Variants in SLC12A7 observed in about 807,000 individuals in gnomAD.
SLC12A7 encodes K-Cl cotransporter 4.
A neutral mutation model predicts 120.6 loss-of-function variants in SLC12A7; 100 were observed. The ratio of observed to expected loss-of-function variants is 0.83; its 90% confidence interval spans 0.71 to 0.98. The LOEUF is 0.98. Among genes scored for constraint, SLC12A7 ranks in the 50% least tolerant of loss-of-function variants. SLC12A7 has a pLI of 0.00. For synonymous variants in SLC12A7, 760 were observed against 678.0 expected (o/e 1.12, Z -1.88); for missense variants, 1,373 against 1,548.1 (o/e 0.89, Z 1.90).
intron 1 of SLC12A7, among the ~76,000 whole-genome samples, chr5:1,106,818 G>T (rs1269772759): frequency 1.3e-5 from 2 of 152,196 alleles, no homozygotes; most frequent in Non-Finnish European, 2.9e-5. Flanking sequence ...AAAGCTGCAG[G>T]CCTCCCTCAT....
At chr5:1,117,129 G>A in the SLC12A7 span, among the ~76,000 whole-genome samples, 1 of 152,272 alleles carries the variant, frequency 6.6e-6, no homozygotes, top group Non-Finnish European at 1.5e-5. This position sits in a 1 kb window ranked among gnomAD's most constrained non-coding sequence, Gnocchi z 4.5. Flanking sequence ...GAGCCGTGGG[G>A]ATGGGCTGGG....
intron 18 of SLC12A7, among the ~76,000 whole-genome samples, 164 bp from the exon 19 acceptor site, chr5:1,064,416 C>T (rs555423907): frequency 2.4e-3 from 361 of 152,354 alleles, no homozygotes; most frequent in Middle Eastern, 0.01. Flanking sequence ...CAGCCAGAGA[C>T]TCACAGCAGA....
Position 1,074,681 on chromosome 5 carries a change from A to C in SLC12A7, c.1968-10T>G, listed in dbSNP as rs754949950. On this transcript the variant is annotated splice_polypyrimidine_tract_variant and intron_variant, in intron 15 of 23. Transcript: ENST00000264930. ...CCACTCCTTCTCGGCCCTGTGGGAA[A>C]GGAAGTCGGGGTTTGTCCAGCCGCG... is the stretch of plus-strand genomic sequence containing the variant. The C allele has an allele frequency of 2.5e-6, 4 of 1,611,758 alleles. No homozygotes were observed.
At chr5:1,082,937 G>A (rs1739362756) in intron 8 of SLC12A7, among the ~76,000 whole-genome samples, 1 of 146,406 alleles carries the variant, frequency 6.8e-6, no homozygotes, top group South Asian at 2.2e-4. Flanking sequence ...GGAAAGCCTG[G>A]GCTTCCCGTC....
the SLC12A7 span, among the ~76,000 whole-genome samples, chr5:1,141,731 G>A: frequency 6.6e-6 from 1 of 152,242 alleles, no homozygotes; most frequent in African/African-American, 2.4e-5. Context: ...TGTGGCCGGT[G>A]GCTGCTGCAT....
intron 9 of SLC12A7, among the ~76,000 whole-genome samples, chr5:1,080,023 G>A (rs1738827159): frequency 6.6e-6 from 1 of 152,228 alleles, no homozygotes; most frequent in African/African-American, 2.4e-5. Context: ...GTCGGTGGGG[G>A]CCACTTCACG....
chr5:1,065,157 C>G, intron 18 of SLC12A7, 126 bp downstream of exon 18: 1 of 754,780 alleles, frequency 1.3e-6, no homozygotes, highest in Admixed American at 3.3e-5. Flanking sequence ...ACAGTGGGGA[C>G]GAAAAGGGGA....
At chr5:1,097,014 G>C (rs1185114421) in intron 1 of SLC12A7, among the ~76,000 whole-genome samples, 4 of 152,098 alleles carry the variant, frequency 2.6e-5, no homozygotes. Context: ...AGCTGCTTGG[G>C]CTCAAGTTTC....
chr5:1,096,723 A>G (rs1397638431), intron 1 of SLC12A7, among the ~76,000 whole-genome samples: 2 of 18,188 alleles, frequency 1.1e-4, no homozygotes, highest in Non-Finnish European at 2.0e-4. Flanking sequence ...GAGGAAGGAA[A>G]GGAGGGAGGG....
the SLC12A7 span, among the ~76,000 whole-genome samples, chr5:1,137,185 A>C: frequency 6.6e-6 from 1 of 151,258 alleles, no homozygotes; most frequent in Non-Finnish European, 1.5e-5. Context: ...CCCTGCCCCT[A>C]CTCCAAGGAT....
chr5:1,050,978 G>A lies in SLC12A7; in HGVS notation c.*1382C>T, dbSNP rs901766781. The A allele has an allele frequency of 7.5e-5, 30 of 398,520 alleles. No individual in the cohort carries two copies. In the Admixed American group the frequency reaches 7.9e-4, roughly 11 times the overall value. The allele number at this position is 398,520 out of a possible 1,614,324, so 24.7% of individuals were successfully genotyped here. A position where few individuals can be genotyped will look rare whatever the true frequency, so the allele number is the denominator to read the frequency against. ...GACGTAGCCCAAGGCCTGGCCATCT[G>A]GGGCCTCTAGTATATAGAAGCAACC... On this transcript the variant is annotated 3_prime_UTR_variant, in exon 24 of 24. Coordinates refer to ENST00000264930, the MANE Select transcript of SLC12A7 (RefSeq NM_006598.3).
At chr5:1,056,857 T>C (rs1735677466) in intron 22 of SLC12A7, among the ~76,000 whole-genome samples, 1 of 152,192 alleles carries the variant, frequency 6.6e-6, no homozygotes, top group South Asian at 2.1e-4. Flanking sequence ...ACAGCCCTGG[T>C]GTTCGCAGCC....
At chr5:1,073,872 A>G in intron 16 of SLC12A7, 71 bp from the exon 17 acceptor site, 1 of 1,310,170 alleles carries the variant, frequency 7.6e-7, no homozygotes, top group South Asian at 2.7e-5. Flanking sequence ...CAGGCAGGGC[A>G]GATGGGACGG....
At chr5:1,056,773 G>C (rs1470427838) in intron 22 of SLC12A7, among the ~76,000 whole-genome samples, 1 of 152,202 alleles carries the variant, frequency 6.6e-6, no homozygotes, top group Non-Finnish European at 1.5e-5. Flanking sequence ...CGGGTGAGAG[G>C]TGTCTCTTGC....
chr5:1,138,230 G>A, the SLC12A7 span, among the ~76,000 whole-genome samples: 2 of 152,184 alleles, frequency 1.3e-5, no homozygotes, highest in South Asian at 2.1e-4. Context: ...TCATTGAAAT[G>A]AACCCCAGGG....
intron 2 of SLC12A7, 119 bp from the exon 3 acceptor site, chr5:1,093,774 G>A: frequency 6.9e-7 from 1 of 1,454,104 alleles, no homozygotes; most frequent in Non-Finnish European, 9.3e-7. Context: ...CCCTGGGTCT[G>A]AAGCAAGCCA....
chr5:1,098,948 CCCTT>C (rs1173799014), intron 1 of SLC12A7, among the ~76,000 whole-genome samples: 3 of 152,004 alleles, frequency 2.0e-5, no homozygotes, highest in African/African-American at 7.2e-5. Context: ...AGCACCTCCT[CCCTT>C]GTCATTCTGC....
At chr5:1,123,317 C>T in the SLC12A7 span, among the ~76,000 whole-genome samples, 2 of 151,924 alleles carry the variant, frequency 1.3e-5, no homozygotes, top group East Asian at 1.9e-4. Context: ...CAGGAGTGGT[C>T]GCAGGGACCC....
At chr5:1,096,735 G>GGAT (rs1741204169) in intron 1 of SLC12A7, among the ~76,000 whole-genome samples, 1 of 22,578 alleles carries the variant, frequency 4.4e-5, no homozygotes, top group African/African-American at 1.8e-4. Context: ...GAGGGAGGGG[G>GGAT]GAAGGGAGGG....
Sources: gnomAD v4.1 joint callset for allele counts (sites outside exome capture counted in the v4.1 genomes callset) on GRCh38, gnomAD v4.1.1 for gene constraint, Gnocchi (gnomAD v3.1) non-coding constraint, MANE v1.5 for transcripts, NCBI Gene and HGNC (gene_info 2026-07-23, HGNC 2026-07-21) for gene names.